USP39: variants seen among roughly 807,000 people sequenced by gnomAD.
The protein encoded by USP39 is ubiquitin carboxyl-terminal hydrolase 39.
USP39 carries 38 observed loss-of-function variants against 66.4 expected under a neutral mutation model. That is an observed-to-expected ratio of 0.57 (90% confidence interval 0.44 to 0.75). USP39 has a LOEUF of 0.75. Ranked by LOEUF, USP39 falls within the 30% of genes least tolerant of loss-of-function variation. USP39 has a pLI of 0.00. For synonymous variants in USP39, 303 were observed against 274.6 expected (o/e 1.10, Z -1.02); for missense variants, 608 against 714.4 (o/e 0.85, Z 1.70).
Position 85,630,879 on chromosome 2 carries a change from G to T in USP39, c.882G>T (p.Val294=). The part of the protein sequence containing the change: ...LWNPRNFKAH[V]SPHEMLQAVV... ...ACCCTCGAAATTTCAAGGCACATGT[G>T]TCTCCCCATGAGATGCTTCAGGCAG... Residue 294 remains valine, a synonymous_variant, in exon 6 of 13, where the codon GTG becomes GTT. Transcript: ENST00000323701. 1 of 1,614,190 alleles carries T rather than the reference G, an allele frequency of 6.2e-7. No individual in the cohort carries two copies. Among genetic ancestry groups the T allele is most frequent in the Non-Finnish European group, 8.5e-7 (1 of 1,180,036 alleles).
intron 11 of USP39, among the ~76,000 whole-genome samples, chr2:85,647,512 T>A (rs989731951): frequency 1.3e-5 from 2 of 149,662 alleles, no homozygotes; most frequent in South Asian, 4.2e-4. Context: ...AAAAAAAAAA[T>A]TAGCCAGTTT....
At chr2:85,634,510 C>G (rs1014120735) in intron 6 of USP39, among the ~76,000 whole-genome samples, 2 of 152,108 alleles carry the variant, frequency 1.3e-5, no homozygotes, top group Non-Finnish European at 2.9e-5. Context: ...GGAGGCAGAG[C>G]TTGCAGTGAG....
chr2:85,640,177 C>T (rs1676114743), intron 9 of USP39, among the ~76,000 whole-genome samples: 1 of 151,954 alleles, frequency 6.6e-6, no homozygotes, highest in South Asian at 2.1e-4. Flanking sequence ...ACCACAGTGC[C>T]CCCTCTTGTA....
At chr2:85,605,164 C>G (rs1673172484) in intron 1 of USP39, among the ~76,000 whole-genome samples, 1 of 150,904 alleles carries the variant, frequency 6.6e-6, no homozygotes, top group African/African-American at 2.4e-5. Context: ...ATTTCCAGTG[C>G]TGACTCGGTG....
intron 10 of USP39, among the ~76,000 whole-genome samples, chr2:85,643,989 A>G (rs1676448187): frequency 6.6e-6 from 1 of 152,148 alleles, no homozygotes; most frequent in South Asian, 2.1e-4. Context: ...TTGCAGTCTG[A>G]CTGCATCATA....
chr2:85,646,795 T>C (rs1676677544), intron 11 of USP39, among the ~76,000 whole-genome samples: 1 of 152,190 alleles, frequency 6.6e-6, no homozygotes, highest in African/African-American at 2.4e-5. Flanking sequence ...TTTTGCTGTA[T>C]TTGTAGCACT....
chr2:85,632,370 A>G (rs1014788744), intron 6 of USP39, among the ~76,000 whole-genome samples: 2 of 151,936 alleles, frequency 1.3e-5, no homozygotes, highest in Non-Finnish European at 2.9e-5. Flanking sequence ...ACAGTGAGCT[A>G]TGATTACACC....
In USP39 at chr2:85,648,908, A is replaced by G; in HGVS notation, c.*100A>G. The G allele has an allele frequency of 7.0e-7, 1 of 1,421,822 alleles. No homozygotes were observed. The highest frequency in any genetic ancestry group is 1.2e-5 in the South Asian group (1 of 84,838). 88.1% of individuals were successfully genotyped at this position (1,421,822 alleles called of 1,614,324 possible). A position where few individuals can be genotyped will look rare whatever the true frequency, so the allele number is the denominator to read the frequency against. ...ACACAGGCTGGCTGGTGGGCTTCCT[A>G]GGCCAGCCCAGCTTGTATGGGTTCT... On this transcript the variant is annotated 3_prime_UTR_variant, in exon 13 of 13. Coordinates refer to ENST00000323701, the MANE Select transcript of USP39 (RefSeq NM_006590.4).
rs775465793 is a variant in USP39 at position 85,623,623 on chromosome 2, C to T, written c.434-23C>T. The T allele has an allele frequency of 1.9e-6, 3 of 1,605,590 alleles. No individual in the cohort carries two copies. The Admixed American group carries it at 5.1e-5, about 27-fold the overall frequency. On this transcript the variant is annotated intron_variant, in intron 3 of 12. Coordinates refer to ENST00000323701, the MANE Select transcript of USP39 (RefSeq NM_006590.4). The stretch of plus-strand genomic sequence containing the variant: ...TGTTCTAGTATCTGCCCTTCTATTA[C>T]AGCTTTTCACCCTTCCCTACAGGCC...
chr2:85,641,442 G>T (rs1332553134), intron 10 of USP39, among the ~76,000 whole-genome samples: 1 of 152,210 alleles, frequency 6.6e-6, no homozygotes, highest in Non-Finnish European at 1.5e-5. Flanking sequence ...GTCCTGAGTA[G>T]TGAGGGTCTG....
chr2:85,638,221 C>G (rs1361912000), intron 8 of USP39, among the ~76,000 whole-genome samples: 1 of 151,346 alleles, frequency 6.6e-6, no homozygotes, highest in Non-Finnish European at 1.5e-5. Flanking sequence ...GAGGTTTTAC[C>G]ATGTTGGTCA....
chr2:85,611,958 C>G (rs545756346), upstream of USP39: 2 of 1,556,098 alleles, frequency 1.3e-6, no homozygotes, highest in African/African-American at 1.4e-5. Context: ...AGCAGTGCCC[C>G]GGCCGGGGAT....
chr2:85,638,726 G>A (rs979703533), intron 8 of USP39, among the ~76,000 whole-genome samples: 3 of 151,760 alleles, frequency 2.0e-5, no homozygotes, highest in Admixed American at 1.3e-4. Context: ...TAGTAGAGAC[G>A]GGGTTTCTCC....
chr2:85,612,209 T>C, upstream of USP39: 2 of 1,204,144 alleles, frequency 1.7e-6, no homozygotes, highest in Non-Finnish European at 2.3e-6. Context: ...CGGAGGGCTT[T>C]TGTTTTTGTT....
intron 4 of USP39, among the ~76,000 whole-genome samples, chr2:85,625,194 G>C (rs915477198): frequency 2.0e-5 from 3 of 152,132 alleles, no homozygotes; most frequent in African/African-American, 7.2e-5. Flanking sequence ...AGGTCCATGT[G>C]CTGCTCCCAG....
intron 10 of USP39, 33 bp downstream of exon 10, chr2:85,641,151 G>A (rs1333556786): frequency 1.2e-6 from 2 of 1,607,404 alleles, no homozygotes; most frequent in Non-Finnish European, 8.5e-7. Context: ...TCTCTCACGG[G>A]GAGTGAACCT....
chr2:85,627,415 TATA>T (rs1674957675), intron 5 of USP39, among the ~76,000 whole-genome samples: 1 of 151,548 alleles, frequency 6.6e-6, no homozygotes, highest in Non-Finnish European at 1.5e-5. Context: ...TGTTGGTAAG[TATA>T]ATAAGAAAAC....
intron 1 of USP39, 47 bp from the exon 2 acceptor site, chr2:85,619,173 G>A (rs753807349): frequency 5.0e-6 from 8 of 1,600,950 alleles, no homozygotes; most frequent in Admixed American, 1.7e-5. Flanking sequence ...AGTTGGCCCT[G>A]AGTATAGGTT....
At position 85,616,235 on chromosome 2, in the gene USP39, C is replaced by T. The variant is rs779369298; in HGVS notation, c.40C>T (p.Arg14Cys). The change falls in exon 1 of 13, where the codon CGC becomes TGC. Residue 14 changes from arginine (R) to cysteine (C), a missense_variant. Transcript: ENST00000323701. ...TAAGCGGGAGTCTCGCGGTTCCACT[C>T]GCGGGAAGCGAGAGTCTGAGTCGCG... is the stretch of plus-strand genomic sequence containing the variant. The part of the protein sequence containing the change: ...RSKRESRGST[R>C]GKRESESRGS... 114 of 1,486,590 alleles carry T rather than the reference C, an allele frequency of 7.7e-5. 1 individual carries two copies. In the Middle Eastern group the frequency reaches 1.1e-3, roughly 15 times the overall value. 92.1% of individuals were successfully genotyped at this position (1,486,590 alleles called of 1,614,324 possible).
Sources: gnomAD v4.1 joint callset for allele counts (sites outside exome capture counted in the v4.1 genomes callset) on GRCh38, gnomAD v4.1.1 for gene constraint, MANE v1.5 for transcripts, NCBI Gene and HGNC (gene_info 2026-07-23, HGNC 2026-07-21) for gene names.